Variants in AFF3 observed in about 807,000 individuals in gnomAD.
AFF3 encodes the protein ALF transcription elongation factor 3.
A neutral mutation model predicts 129.7 loss-of-function variants in AFF3; 32 were observed. That is an observed-to-expected ratio of 0.25 (90% CI 0.19 to 0.33). The LOEUF (loss-of-function observed/expected upper bound fraction) is 0.33, where lower values mean the gene tolerates loss of function less well. Among genes scored for constraint, AFF3 ranks in the 10% least tolerant of loss-of-function variants. The pLI, the probability that AFF3 is intolerant of heterozygous loss-of-function variation, is 1.00. For missense variants in AFF3, 1,373 were observed against 1,592.0 expected (o/e 0.86, Z 2.34); for synonymous variants, 644 against 635.4 (o/e 1.01, Z -0.20).
chr2:99,696,978 C>T (rs1676346012), intron 11 of AFF3, among the ~76,000 whole-genome samples: 1 of 152,212 alleles, frequency 6.6e-6, no homozygotes, highest in African/African-American at 2.4e-5. Context: ...AGGCAGGGAC[C>T]TGCCAGCCTT....
intron 4 of AFF3, among the ~76,000 whole-genome samples, chr2:100,055,082 T>C (rs746309119): frequency 3.3e-5 from 5 of 152,224 alleles, no homozygotes; most frequent in Non-Finnish European, 5.9e-5. Context: ...GGTTATCACA[T>C]ACTGTTCGTT....
At chr2:99,943,272 T>C (rs1038175681) in intron 7 of AFF3, among the ~76,000 whole-genome samples, 1 of 152,198 alleles carries the variant, frequency 6.6e-6, no homozygotes, top group East Asian at 1.9e-4. Flanking sequence ...GCTGGTCCCA[T>C]GCGAGGGTCC....
chr2:99,877,379 C>T (rs1334929455), intron 7 of AFF3, among the ~76,000 whole-genome samples: 1 of 152,138 alleles, frequency 6.6e-6, no homozygotes, highest in Non-Finnish European at 1.5e-5. Context: ...CAGATGTCTA[C>T]CACCTGCTGT....
intron 11 of AFF3, among the ~76,000 whole-genome samples, chr2:99,713,487 T>C (rs1678099100): frequency 6.6e-6 from 1 of 151,994 alleles, no homozygotes; most frequent in African/African-American, 2.4e-5. Flanking sequence ...CAGGTTGGTC[T>C]CAATCTCCTG....
intron 7 of AFF3, among the ~76,000 whole-genome samples, chr2:99,950,426 G>A (rs1676040775): frequency 6.6e-6 from 1 of 152,088 alleles, no homozygotes; most frequent in Admixed American, 6.6e-5. Context: ...AAAATACATG[G>A]GTTGAATCTG....
chr2:99,748,784 C>T (rs779194783), intron 9 of AFF3, among the ~76,000 whole-genome samples: 2 of 152,140 alleles, frequency 1.3e-5, no homozygotes, highest in Admixed American at 6.5e-5. Flanking sequence ...TTAAAGTTAA[C>T]AATTTGATAA....
At chr2:99,787,111 T>C (rs561608706) in intron 8 of AFF3, among the ~76,000 whole-genome samples, 1 of 152,182 alleles carries the variant, frequency 6.6e-6, no homozygotes, top group Admixed American at 6.5e-5. Flanking sequence ...AGAGCAGTAA[T>C]TCAGGCAGTT....
At chr2:99,627,688 GT>G (rs1456319822) in intron 13 of AFF3, among the ~76,000 whole-genome samples, 1 of 152,098 alleles carries the variant, frequency 6.6e-6, no homozygotes, top group Non-Finnish European at 1.5e-5. Context: ...GTCTTCCAGG[GT>G]TTTTATAGTT....
intron 11 of AFF3, among the ~76,000 whole-genome samples, chr2:99,723,934 T>TCCC (rs1408073056): frequency 6.6e-6 from 1 of 152,242 alleles, no homozygotes; most frequent in East Asian, 1.9e-4. Flanking sequence ...GACGGTCACC[T>TCCC]ACAAGCGAAG....
chr2:99,975,603 G>A (rs1678796933), intron 7 of AFF3, among the ~76,000 whole-genome samples: 1 of 152,072 alleles, frequency 6.6e-6, no homozygotes, highest in Non-Finnish European at 1.5e-5. Context: ...GGAGGAAGCA[G>A]TAGGAGGCAG....
intron 11 of AFF3, among the ~76,000 whole-genome samples, chr2:99,676,563 A>G (rs1190474632): frequency 3.3e-5 from 5 of 152,116 alleles, no homozygotes. Flanking sequence ...CCTCCAATCA[A>G]TGCTCATTTT....
chr2:99,847,326 C>T (rs1332872267), intron 7 of AFF3, among the ~76,000 whole-genome samples: 1 of 151,862 alleles, frequency 6.6e-6, no homozygotes, highest in Non-Finnish European at 1.5e-5. Flanking sequence ...CAGGCACCTG[C>T]CACCACGCCC....
intron 7 of AFF3, among the ~76,000 whole-genome samples, chr2:99,843,302 C>T (rs888515817): frequency 1.3e-5 from 2 of 152,200 alleles, no homozygotes; most frequent in East Asian, 1.9e-4. Context: ...CTGTCTCACA[C>T]CTAACCTGTA....
chr2:99,913,668 C>G (rs925794639), intron 7 of AFF3, among the ~76,000 whole-genome samples: 1 of 152,144 alleles, frequency 6.6e-6, no homozygotes. Context: ...CTCTTGAAAA[C>G]TGGCTGATTC....
intron 7 of AFF3, among the ~76,000 whole-genome samples, chr2:99,939,893 A>T (rs1406407309): frequency 6.6e-6 from 1 of 152,236 alleles, no homozygotes; most frequent in Non-Finnish European, 1.5e-5. Context: ...TAAAAGCTTT[A>T]TATTTAAGTC....
chr2:100,018,012 A>ATGTGTG (rs754696123), intron 4 of AFF3, among the ~76,000 whole-genome samples: 184 of 148,208 alleles, frequency 1.2e-3, no homozygotes, highest in African/African-American at 4.5e-3. Flanking sequence ...CTTGGTTGAT[A>ATGTGTG]TGTGTGTGTG....
Position 99,551,224 on chromosome 2 carries a change from T to G in AFF3, c.*250A>C, listed in dbSNP as rs922305609. ...AAACCTCTGATCACTTTGTCTAGCC[T>G]GGGATTATGGAAACTAGACAAAGAA... On this transcript the variant is annotated 3_prime_UTR_variant, in exon 25 of 25. Coordinates refer to ENST00000672756, the MANE Select transcript of AFF3 (RefSeq NM_001386135.1). 3 of 563,486 alleles carry G rather than the reference T, an allele frequency of 5.3e-6. No individual in the cohort carries two copies. The highest frequency in any genetic ancestry group is 9.4e-6 in the Non-Finnish European group (3 of 317,632). 34.9% of individuals were successfully genotyped at this position (563,486 alleles called of 1,614,324 possible).
chr2:99,805,545 T>C (rs896719197), intron 8 of AFF3, among the ~76,000 whole-genome samples: 3 of 152,302 alleles, frequency 2.0e-5, no homozygotes, highest in African/African-American at 7.2e-5. Context: ...TACAATTTGT[T>C]GCCTGAGGAA....
At chr2:100,081,587 C>A in intron 4 of AFF3, among the ~76,000 whole-genome samples, 1 of 152,074 alleles carries the variant, frequency 6.6e-6, no homozygotes, top group Non-Finnish European at 1.5e-5. Context: ...GGCCTCTGAC[C>A]CACCCATGTT....
Sources: allele counts gnomAD v4.1 joint callset (sites outside exome capture counted in the v4.1 genomes callset), GRCh38; gene constraint gnomAD v4.1.1; transcripts MANE v1.5; gene names NCBI Gene and HGNC (gene_info 2026-07-23, HGNC 2026-07-21).